Variants in ZNF33A observed in about 807,000 individuals in gnomAD.
ZNF33A encodes zinc finger protein 33A.
A neutral mutation model predicts 15.9 loss-of-function variants in ZNF33A; 9 were observed. That is an observed-to-expected ratio of 0.57 (90% confidence interval 0.34 to 0.99). The LOEUF is 0.99. ZNF33A is among the 50% of genes least tolerant of loss of function. ZNF33A has a pLI of 0.02. For missense variants in ZNF33A, 843 were observed against 941.6 expected (o/e 0.90, Z 1.37); for synonymous variants, 294 against 324.2 (o/e 0.91, Z 1.00).
At position 38,060,075 on chromosome 10, in the gene ZNF33A, T is replaced by G. The variant is rs2066636591; in HGVS notation, c.*3515T>G. On this transcript the variant is annotated 3_prime_UTR_variant, in exon 5 of 5. Coordinates refer to ENST00000432900, the MANE Select transcript of ZNF33A (RefSeq NM_006954.2). ...AACCAACCCTGAGGAACATCTTGTT[T>G]CTGTACTAAGGTGTTCTTTTGTTAG... 1.0e-6 allele frequency: 1 copy of G among 985,444 alleles called. No homozygotes were observed. The highest frequency in any genetic ancestry group is 1.7e-5 in the African/African-American group (1 of 57,364). The allele number at this position is 985,444 out of a possible 1,614,324, so 61.0% of individuals were successfully genotyped here.
chr10:38,034,840 AG>A (rs2065370383), intron 4 of ZNF33A, among the ~76,000 whole-genome samples: 1 of 152,194 alleles, frequency 6.6e-6, no homozygotes, highest in African/African-American at 2.4e-5. Flanking sequence ...AAACCAAGAT[AG>A]GGGCTAATGG....
At chr10:38,012,793 A>G (rs181526092) in intron 2 of ZNF33A, among the ~76,000 whole-genome samples, 3 of 152,308 alleles carry the variant, frequency 2.0e-5, no homozygotes, top group Admixed American at 2.0e-4. Flanking sequence ...CCCAGAAAAT[A>G]TAAAGTAACA....
chr10:38,018,991 T>C (rs2064600485), intron 4 of ZNF33A, among the ~76,000 whole-genome samples: 1 of 151,944 alleles, frequency 6.6e-6, no homozygotes, highest in South Asian at 2.1e-4. Flanking sequence ...TATTTTATTT[T>C]ATTATTATTA....
intron 4 of ZNF33A, among the ~76,000 whole-genome samples, chr10:38,051,916 G>A (rs1195538155): frequency 2.6e-5 from 4 of 152,046 alleles, no homozygotes; most frequent in African/African-American, 9.7e-5. Context: ...CAAGGCATTT[G>A]ACAAAATTTA....
chr10:38,039,758 G>A (rs560619398), intron 4 of ZNF33A: 45 of 317,038 alleles, frequency 1.4e-4, no homozygotes, highest in Non-Finnish European at 2.4e-4. Flanking sequence ...TTAGTAATTT[G>A]AACCTTCTCT....
intron 4 of ZNF33A, among the ~76,000 whole-genome samples, chr10:38,044,622 G>A (rs535417607): frequency 5.9e-4 from 89 of 152,122 alleles, no homozygotes; most frequent in African/African-American, 2.1e-3. Context: ...TGTTTGATGA[G>A]GCATCATCAT....
At chr10:38,027,542 G>T (rs1193130590) in intron 4 of ZNF33A, among the ~76,000 whole-genome samples, 21 of 149,360 alleles carry the variant, frequency 1.4e-4, no homozygotes, top group African/African-American at 3.7e-4. Flanking sequence ...TTTTTTTGGT[G>T]GAAACGGCAT....
intron 4 of ZNF33A, among the ~76,000 whole-genome samples, chr10:38,032,588 G>A (rs1159214921): frequency 6.7e-6 from 1 of 150,146 alleles, no homozygotes; most frequent in East Asian, 2.0e-4. Flanking sequence ...GGATTACACA[G>A]CCTCCTGAAT....
chr10:38,064,478 G>A (rs770288925), downstream of ZNF33A: 31 of 254,358 alleles, frequency 1.2e-4, no homozygotes, highest in Non-Finnish European at 2.0e-4. Flanking sequence ...CCAAATCTAA[G>A]TGGGAAAAGA....
At chr10:38,012,182 C>A in intron 1 of ZNF33A, 116 bp from the exon 2 acceptor site, 1 of 981,282 alleles carries the variant, frequency 1.0e-6, no homozygotes, top group Non-Finnish European at 1.5e-6. Context: ...CATTGATACT[C>A]TCCCAGAGGA....
chr10:38,054,080 C>T (rs937449181), intron 4 of ZNF33A, among the ~76,000 whole-genome samples: 20 of 152,270 alleles, frequency 1.3e-4, no homozygotes, highest in African/African-American at 3.8e-4. Context: ...CATGGGGAAA[C>T]GCAGATGTAA....
At chr10:38,050,901 A>T (rs1231547702) in intron 4 of ZNF33A, among the ~76,000 whole-genome samples, 1 of 152,220 alleles carries the variant, frequency 6.6e-6, no homozygotes, top group East Asian at 1.9e-4. Context: ...GGCAGTTCCT[A>T]GAATTCTTTG....
chr10:38,054,476 C>T lies in ZNF33A; in HGVS notation c.352C>T (p.Gln118Ter). 1.2e-6 allele frequency: 2 copies of T among 1,611,504 alleles called. No individual in the cohort carries two copies. The highest frequency in any genetic ancestry group is 1.7e-6 in the Non-Finnish European group (2 of 1,179,304). ...CAATAATGAAATGCTGACTAAGGAA[C>T]AAGGTGATGTAATAGGAATACCATT... Reference protein sequence around the residue: ...FINNEMLTKEQGDVIGIPFNV... With the variant: ...FINNEMLTKE The change falls in exon 5 of 5, where the codon CAA becomes TAA. Residue 118 changes from glutamine (Q) to a stop codon, truncating the protein, a stop_gained. Coordinates refer to ENST00000432900, the MANE Select transcript of ZNF33A (RefSeq NM_006954.2). LOFTEE classifies it low-confidence loss of function (END_TRUNC).
At chr10:38,046,403 A>G (rs2065947669) in intron 4 of ZNF33A, among the ~76,000 whole-genome samples, 1 of 152,228 alleles carries the variant, frequency 6.6e-6, no homozygotes, top group Non-Finnish European at 1.5e-5. Flanking sequence ...TATTGGGTAG[A>G]GTGTTCAGAA....
intron 4 of ZNF33A, among the ~76,000 whole-genome samples, chr10:38,051,192 T>C (rs1298468795): frequency 1.3e-5 from 2 of 152,184 alleles, no homozygotes; most frequent in African/African-American, 4.8e-5. Flanking sequence ...AGAGGAAACA[T>C]TAAAATGCCA....
chr10:38,014,051 T>G (rs1396836526), intron 2 of ZNF33A, among the ~76,000 whole-genome samples: 2 of 123,606 alleles, frequency 1.6e-5, no homozygotes, highest in African/African-American at 5.9e-5. Flanking sequence ...TTTTTTTTTT[T>G]TTTTTTTTTT....
In ZNF33A at chr10:38,054,601, G is replaced by A; in HGVS notation, c.477G>A (p.Lys159=). 1 of 1,612,152 alleles carries A rather than the reference G, an allele frequency of 6.2e-7. No individual in the cohort carries two copies. The highest frequency in any genetic ancestry group is 8.5e-7 in the Non-Finnish European group (1 of 1,179,418). ...FNTVSELVIS[K]INYLGKKSDE... ...CTGTTTCAGAATTGGTTATCAGTAAGATAAACTATTTAGGAAAAAAGTCTG... is the reference window on the plus strand; with the variant it reads ...CTGTTTCAGAATTGGTTATCAGTAAAATAAACTATTTAGGAAAAAAGTCTG... The change falls in exon 5 of 5, where the codon AAG becomes AAA. Residue 159 remains lysine, a synonymous_variant. Transcript: ENST00000432900.
chr10:38,038,244 C>T (rs2065540000), intron 4 of ZNF33A, among the ~76,000 whole-genome samples: 1 of 152,086 alleles, frequency 6.6e-6, no homozygotes, highest in Non-Finnish European at 1.5e-5. Context: ...GGACTACAGG[C>T]ACATGCCACC....
At chr10:38,015,597 A>G (rs2064415688) in intron 2 of ZNF33A, among the ~76,000 whole-genome samples, 1 of 152,176 alleles carries the variant, frequency 6.6e-6, no homozygotes, top group Non-Finnish European at 1.5e-5. Flanking sequence ...CTGAGATTAC[A>G]GGTGTGAGCC....
Sources: gnomAD v4.1 joint callset for allele counts (sites outside exome capture counted in the v4.1 genomes callset) on GRCh38, gnomAD v4.1.1 for gene constraint, MANE v1.5 for transcripts, NCBI Gene and HGNC (gene_info 2026-07-23, HGNC 2026-07-21) for gene names.